SMC5: variants seen among roughly 807,000 people sequenced by gnomAD.
SMC5 encodes structural maintenance of chromosomes protein 5.
A neutral mutation model predicts 148.3 loss-of-function variants in SMC5; 88 were observed. The ratio of observed to expected loss-of-function variants is 0.59; its 90% CI spans 0.50 to 0.71. The LOEUF is 0.71. Ranked by LOEUF, SMC5 falls within the 30% of genes least tolerant of loss-of-function variation. The pLI is 0.00. For missense variants in SMC5, 1,142 were observed against 1,298.9 expected (o/e 0.88, Z 1.86); for synonymous variants, 421 against 432.8 (o/e 0.97, Z 0.34).
chr9:70,274,933 A>G lies in SMC5; in HGVS notation c.381-2377A>G, dbSNP rs143247559. 4.0e-3 allele frequency among the ~76,000 whole-genome samples: 610 copies of G among 152,112 alleles called. 3 individuals carry two copies. Among genetic ancestry groups the G allele is most frequent in the African/African-American group, 0.014 (562 of 41,542 alleles). Reference sequence around the variant, plus strand: ...ATTATTATTAATATAATATAGTTATATTAATTATGCTGTCAGTGTTTGTTT... The same window carrying G: ...ATTATTATTAATATAATATAGTTATGTTAATTATGCTGTCAGTGTTTGTTT... On this transcript the variant is annotated intron_variant, in intron 3 of 24. Transcript: ENST00000361138.
At chr9:70,314,268 C>T (rs1177781987) in intron 11 of SMC5, among the ~76,000 whole-genome samples, 3 of 152,116 alleles carry the variant, frequency 2.0e-5, no homozygotes, top group African/African-American at 7.2e-5. Flanking sequence ...GGGGAATGCC[C>T]CCAAGCCACA....
chr9:70,300,815 G>T (rs2118416151), intron 10 of SMC5, among the ~76,000 whole-genome samples: 1 of 152,178 alleles, frequency 6.6e-6, no homozygotes, highest in African/African-American at 2.4e-5. Context: ...ATAAAAGGAT[G>T]AAAGAGTAAA....
At chr9:70,320,716 A>G (rs2035921523) in intron 15 of SMC5, among the ~76,000 whole-genome samples, 1 of 152,162 alleles carries the variant, frequency 6.6e-6, no homozygotes, top group South Asian at 2.1e-4. Flanking sequence ...CAACTATATT[A>G]TGTACTTCCT....
At chr9:70,292,371 A>G (rs1484745128) in intron 8 of SMC5, among the ~76,000 whole-genome samples, 1 of 152,170 alleles carries the variant, frequency 6.6e-6, no homozygotes, top group Non-Finnish European at 1.5e-5. Context: ...TTTAGCAACA[A>G]GTCCTCTGAC....
intron 3 of SMC5, among the ~76,000 whole-genome samples, chr9:70,273,037 G>A (rs751432513): frequency 4.6e-5 from 7 of 152,084 alleles, no homozygotes; most frequent in African/African-American, 9.7e-5. Context: ...TTTTTGATGT[G>A]TTGCTAGATG....
In SMC5 at chr9:70,314,670, A is replaced by G. The variant is rs192324890; in HGVS notation, c.1579-72A>G. On this transcript the variant is annotated intron_variant, in intron 11 of 24. Coordinates refer to ENST00000361138, the MANE Select transcript of SMC5 (RefSeq NM_015110.4). ...CCATCCCACGAATGCCAGTAGGAGT[A>G]TGGTAACTATAAATCATTTCAGTAG... The G allele has an allele frequency of 1.1e-4, 74 of 687,116 alleles. No homozygotes were observed. The East Asian group carries it at 2.1e-3, about 20-fold the overall frequency. The allele number at this position is 687,116 out of a possible 1,614,324, so 42.6% of individuals were successfully genotyped here. A position where few individuals can be genotyped will look rare whatever the true frequency, so the allele number is the denominator to read the frequency against.
At chr9:70,295,606 TAGTC>T (rs1184076225) in intron 8 of SMC5, among the ~76,000 whole-genome samples, 1 of 152,178 alleles carries the variant, frequency 6.6e-6, no homozygotes, top group Non-Finnish European at 1.5e-5. Flanking sequence ...ACATGGATAT[TAGTC>T]AGAGTAGGAC....
rs142263478 is a variant in SMC5, at chr9:70,334,868, C to G, written c.2398-9276C>G. Among the ~76,000 whole-genome samples, 386 of 152,206 alleles carry G rather than the reference C, an allele frequency of 2.5e-3. 1 individual carries two copies. Among genetic ancestry groups the G allele is most frequent in the Middle Eastern group, 0.01 (3 of 294 alleles). On this transcript the variant is annotated intron_variant, in intron 17 of 24. Transcript: ENST00000361138. ...AGATGCCCAACCTGACTTTACTGGT[C>G]TTGGGTAGCAAAGAAAAAGTATATA... is the stretch of plus-strand genomic sequence containing the variant.
chr9:70,309,068 G>T (rs2035586201), intron 11 of SMC5, among the ~76,000 whole-genome samples: 1 of 152,068 alleles, frequency 6.6e-6, no homozygotes, highest in African/African-American at 2.4e-5. Context: ...ACACTTTCTT[G>T]CTAAAAAATA....
rs528057191 is a variant in SMC5 at position 70,337,497 on chromosome 9, C to T, written c.2398-6647C>T. Reference sequence around the variant, plus strand: ...TTTGGAGACAGTCTTGCTCTGTCACCGAGGCTGGAGTGCAGTGGCACAATC... The same window carrying T: ...TTTGGAGACAGTCTTGCTCTGTCACTGAGGCTGGAGTGCAGTGGCACAATC... On this transcript the variant is annotated intron_variant, in intron 17 of 24. Transcript: ENST00000361138. 2.8e-5 allele frequency among the ~76,000 whole-genome samples: 4 copies of T among 141,682 alleles called. No individual in the cohort carries two copies. The South Asian group carries it at 6.6e-4, about 24-fold the overall frequency. 92.9% of individuals were successfully genotyped at this position (141,682 alleles called of 152,430 possible).
intron 17 of SMC5, among the ~76,000 whole-genome samples, chr9:70,330,380 C>T (rs1337685036): frequency 6.6e-6 from 1 of 152,010 alleles, no homozygotes; most frequent in Non-Finnish European, 1.5e-5. Flanking sequence ...TTGAGAACCA[C>T]TGGTCTAAAA....
At chr9:70,292,506 G>A (rs1330115683) in intron 8 of SMC5, among the ~76,000 whole-genome samples, 4 of 151,954 alleles carry the variant, frequency 2.6e-5, no homozygotes, top group African/African-American at 4.8e-5. Flanking sequence ...GTTTTCTTAC[G>A]TTATTGCATT....
intron 2 of SMC5, 27 bp downstream of exon 2, chr9:70,264,472 A>C (rs746096900): frequency 6.2e-7 from 1 of 1,609,314 alleles, no homozygotes; most frequent in South Asian, 1.1e-5. Context: ...ACTTTTTAAG[A>C]AATTTCAAAC....
At chr9:70,338,335 G>A (rs2036420770) in intron 17 of SMC5, among the ~76,000 whole-genome samples, 1 of 152,116 alleles carries the variant, frequency 6.6e-6, no homozygotes, top group African/African-American at 2.4e-5. Context: ...AAAGTTAACT[G>A]GAGAAACTTA....
intron 17 of SMC5, among the ~76,000 whole-genome samples, chr9:70,326,323 C>T (rs2036073958): frequency 6.6e-6 from 1 of 152,074 alleles, no homozygotes; most frequent in Admixed American, 6.6e-5. Context: ...TTGAATTGTA[C>T]ACTTCAAGTG....
intron 3 of SMC5, among the ~76,000 whole-genome samples, chr9:70,276,992 G>A (rs1587629031): frequency 1.3e-5 from 2 of 152,238 alleles, no homozygotes; most frequent in South Asian, 2.1e-4. Context: ...TTGAAGAATA[G>A]CATAGTAATT....
In SMC5 at chr9:70,324,007, GT is replaced by G; in HGVS notation, c.2275-9del. On this transcript the variant is annotated splice_polypyrimidine_tract_variant and intron_variant, in intron 16 of 24. Transcript: ENST00000361138. ...GTAACATAAAAATTAACTCTTAGGG[GT>G]TTTTGTTCCTAGATTTGTACTTCTT... The G allele has an allele frequency of 3.9e-6, 6 of 1,533,704 alleles. No individual in the cohort carries two copies. Among genetic ancestry groups the G allele is most frequent in the Admixed American group, 4.8e-5 (2 of 41,588 alleles).
At chr9:70,294,076 G>A (rs909578533) in intron 8 of SMC5, among the ~76,000 whole-genome samples, 1 of 152,096 alleles carries the variant, frequency 6.6e-6, no homozygotes, top group African/African-American at 2.4e-5. Context: ...ACAAAGCAAA[G>A]CAGAATGAGT....
intron 2 of SMC5, among the ~76,000 whole-genome samples, chr9:70,266,003 T>C (rs1308573138): frequency 6.6e-6 from 1 of 152,124 alleles, no homozygotes; most frequent in Non-Finnish European, 1.5e-5. Context: ...CTTGAACTAA[T>C]GGACATATTA....
Sources: allele counts gnomAD v4.1 joint callset (sites outside exome capture counted in the v4.1 genomes callset), GRCh38; gene constraint gnomAD v4.1.1; transcripts MANE v1.5; gene names NCBI Gene and HGNC (gene_info 2026-07-23, HGNC 2026-07-21).